The following PTCHD4 variants were observed in gnomAD, a reference collection of about 807,000 sequenced individuals.
PTCHD4 encodes patched domain-containing protein 4.
A neutral mutation model predicts 58.1 loss-of-function variants in PTCHD4; 33 were observed. The ratio of observed to expected loss-of-function variants is 0.57; its 90% CI spans 0.43 to 0.76. The LOEUF (loss-of-function observed/expected upper bound fraction) is 0.76. Among genes scored for constraint, PTCHD4 ranks in the 30% least tolerant of loss-of-function variants. The pLI, the probability that PTCHD4 is intolerant of heterozygous loss-of-function variation, is 0.00. For synonymous variants in PTCHD4, 478 were observed against 409.6 expected (o/e 1.17, Z -2.02); for missense variants, 1,058 against 1,027.1 (o/e 1.03, Z -0.41).
In PTCHD4 at chr6:48,047,122, A is replaced by G. The variant is rs916459173; in HGVS notation, c.417+21108T>C. 7.9e-5 allele frequency among the ~76,000 whole-genome samples: 12 copies of G among 151,864 alleles called. No individual in the cohort carries two copies. The East Asian group carries it at 2.3e-3, about 29-fold the overall frequency. ...ATGAGATGAGAATAAAGTTTAATAA[A>G]TGAACCAAAACTGAGATGTTATTTG... On this transcript the variant is annotated intron_variant, in intron 3 of 4. Coordinates refer to ENST00000339488, the MANE Select transcript of PTCHD4 (RefSeq NM_001384253.1).
chr6:47,960,597 C>A (rs1041114855), intron 4 of PTCHD4, among the ~76,000 whole-genome samples: 20 of 151,816 alleles, frequency 1.3e-4, no homozygotes, highest in African/African-American at 4.6e-4. Flanking sequence ...GTAAAGAATA[C>A]CACCAGGAAT....
chr6:48,082,554 A>G (rs1316561537), intron 1 of PTCHD4, among the ~76,000 whole-genome samples: 1 of 152,192 alleles, frequency 6.6e-6, no homozygotes, highest in Non-Finnish European at 1.5e-5. Flanking sequence ...GATTAAAAAT[A>G]AGACTCTTCT....
intron 1 of PTCHD4, among the ~76,000 whole-genome samples, chr6:48,104,378 A>G (rs1765674953): frequency 1.3e-5 from 2 of 152,230 alleles, no homozygotes; most frequent in Admixed American, 1.3e-4. Context: ...GAGAAATAAA[A>G]TACTTTACAG....
chr6:48,000,874 T>A (rs1581997988), intron 4 of PTCHD4, among the ~76,000 whole-genome samples: 1 of 152,250 alleles, frequency 6.6e-6, no homozygotes, highest in East Asian at 1.9e-4. Context: ...AGTGTTCCCA[T>A]CAGCATGCAA....
intron 4 of PTCHD4, among the ~76,000 whole-genome samples, chr6:47,989,500 G>A (rs1768203229): frequency 6.6e-6 from 1 of 152,136 alleles, no homozygotes; most frequent in South Asian, 2.1e-4. Flanking sequence ...TGGAGTCCAG[G>A]GTCCCTGTGC....
At chr6:48,041,073 T>G (rs936371308) in intron 3 of PTCHD4, among the ~76,000 whole-genome samples, 1 of 152,100 alleles carries the variant, frequency 6.6e-6, no homozygotes, top group Non-Finnish European at 1.5e-5. Context: ...AAGTATAAAT[T>G]ACCAGTTTCT....
chr6:48,046,215 A>G (rs2114160954), intron 3 of PTCHD4, among the ~76,000 whole-genome samples: 1 of 151,954 alleles, frequency 6.6e-6, no homozygotes, highest in South Asian at 2.1e-4. Context: ...AGACCTTTTC[A>G]TTGTATATTG....
At chr6:47,901,570 A>G (rs143533439) in intron 4 of PTCHD4, 2 of 1,038,084 alleles carry the variant, frequency 1.9e-6, no homozygotes, top group East Asian at 8.0e-5. Context: ...ATGCTTCCAT[A>G]TGATTTAAAC....
chr6:48,017,184 T>C (rs896628704), intron 3 of PTCHD4, among the ~76,000 whole-genome samples: 1 of 152,174 alleles, frequency 6.6e-6, no homozygotes, highest in South Asian at 2.1e-4. Context: ...GTCAAGTATA[T>C]ACATAAACTA....
chr6:48,070,123 TTGTGTGTGTGTG>T (rs66484270), intron 1 of PTCHD4, among the ~76,000 whole-genome samples, 197 bp from the exon 2 acceptor site: 15 of 146,620 alleles, frequency 1.0e-4, no homozygotes, highest in Non-Finnish European at 1.8e-4. Context: ...AAGTGTGTGT[TTGTGTGTGTGTG>T]TGTGTGTGTG....
At chr6:47,955,384 G>T (rs563678630) in intron 4 of PTCHD4, among the ~76,000 whole-genome samples, 2 of 152,116 alleles carry the variant, frequency 1.3e-5, no homozygotes, top group Non-Finnish European at 2.9e-5. Context: ...AAAGGCTCTC[G>T]AATTATGAGT....
At chr6:47,908,490 G>A (rs1764971635) in intron 4 of PTCHD4, among the ~76,000 whole-genome samples, 1 of 152,160 alleles carries the variant, frequency 6.6e-6, no homozygotes. Context: ...TGCAATGAAT[G>A]GACTCTAGTG....
At chr6:48,102,272 C>T (rs1429446251) in intron 1 of PTCHD4, among the ~76,000 whole-genome samples, 1 of 152,134 alleles carries the variant, frequency 6.6e-6, no homozygotes, top group Non-Finnish European at 1.5e-5. Context: ...AAATGAAACT[C>T]CTGACCCTTT....
intron 4 of PTCHD4, among the ~76,000 whole-genome samples, chr6:47,889,973 T>A (rs1195313434): frequency 6.6e-6 from 1 of 152,082 alleles, no homozygotes; most frequent in Non-Finnish European, 1.5e-5. Flanking sequence ...AGGGCTAATA[T>A]CCAGAATTTA....
chr6:48,070,034 A>G (rs1764945819), intron 1 of PTCHD4, among the ~76,000 whole-genome samples, 108 bp from the exon 2 acceptor site: 1 of 152,040 alleles, frequency 6.6e-6, no homozygotes, highest in Non-Finnish European at 1.5e-5. Context: ...ACCAGATACA[A>G]TTCCTCCTTC....
intron 4 of PTCHD4, among the ~76,000 whole-genome samples, chr6:47,885,907 C>CT (rs1201783040): frequency 6.6e-6 from 1 of 152,166 alleles, no homozygotes; most frequent in Non-Finnish European, 1.5e-5. Context: ...CTACCTCTGC[C>CT]TCCCGGGTTC....
intron 4 of PTCHD4, among the ~76,000 whole-genome samples, chr6:47,981,152 T>A (rs928835546): frequency 6.6e-6 from 1 of 152,182 alleles, no homozygotes; most frequent in Non-Finnish European, 1.5e-5. Context: ...ATTTCTATTT[T>A]TTCTTCAGAA....
intron 3 of PTCHD4, among the ~76,000 whole-genome samples, chr6:48,046,541 A>AT (rs1315404725): frequency 1.3e-4 from 19 of 151,956 alleles, no homozygotes; most frequent in African/African-American, 4.3e-4. Flanking sequence ...TTTGAAATGT[A>AT]TTATCTATAT....
intron 1 of PTCHD4, among the ~76,000 whole-genome samples, chr6:48,104,665 TAA>T (rs1168782970): frequency 1.3e-5 from 2 of 152,102 alleles, no homozygotes; most frequent in Non-Finnish European, 2.9e-5. Flanking sequence ...GCAAATTGGA[TAA>T]AGAGTCAAGA....
Sources: allele counts gnomAD v4.1 joint callset (sites outside exome capture counted in the v4.1 genomes callset), GRCh38; gene constraint gnomAD v4.1.1; transcripts MANE v1.5; gene names NCBI Gene and HGNC (gene_info 2026-07-23, HGNC 2026-07-21).